ENPP3: variants seen among roughly 807,000 people sequenced by gnomAD.
ENPP3 encodes ectonucleotide pyrophosphatase/phosphodiesterase 3.
In ENPP3, 104 loss-of-function variants were observed where a neutral mutation model predicts 117.8. The ratio of observed to expected loss-of-function variants is 0.88; its 90% CI spans 0.75 to 1.04. ENPP3 has a LOEUF of 1.04. Among genes scored for constraint, ENPP3 ranks in the 50% least tolerant of loss-of-function variants. ENPP3 has a pLI of 0.00. For missense variants in ENPP3, 1,026 were observed against 1,051.9 expected, an observed-to-expected ratio of 0.98 and a Z score of 0.34; for synonymous variants, 380 against 349.9, an observed-to-expected ratio of 1.09 and a Z score of -0.96.
intron 6 of ENPP3, among the ~76,000 whole-genome samples, chr6:131,670,636 G>A (rs760673571): frequency 6.8e-4 from 103 of 152,022 alleles, no homozygotes; most frequent in Non-Finnish European, 1.2e-3. Flanking sequence ...GACTACACAG[G>A]TGCATGCCAC....
At chr6:131,672,232 C>T (rs548699530) in intron 7 of ENPP3, among the ~76,000 whole-genome samples, 2 of 152,300 alleles carry the variant, frequency 1.3e-5, no homozygotes, top group African/African-American at 2.4e-5. Context: ...CTTGTTTTAG[C>T]TGTCATACTA....
chr6:131,645,065 TC>T (rs1261308797), intron 2 of ENPP3, among the ~76,000 whole-genome samples: 4 of 152,268 alleles, frequency 2.6e-5, no homozygotes, highest in Admixed American at 1.3e-4. Flanking sequence ...TTCTCATGCT[TC>T]TACTGTGTGT....
chr6:131,678,962 C>CTTTCT (rs1562446616), intron 11 of ENPP3, among the ~76,000 whole-genome samples: 819 of 40,938 alleles, frequency 0.02, 1 homozygote, highest in African/African-American at 0.027. Flanking sequence ...TCTTTCTTTC[C>CTTTCT]TTCCTTCCTT....
At chr6:131,693,879 G>T (rs1017491557) in intron 15 of ENPP3, among the ~76,000 whole-genome samples, 1 of 152,002 alleles carries the variant, frequency 6.6e-6, no homozygotes, top group Admixed American at 6.6e-5. Context: ...GACTGTAAGT[G>T]CCAGCACCTT....
intron 7 of ENPP3, among the ~76,000 whole-genome samples, chr6:131,673,710 C>G (rs1305761123): frequency 1.3e-5 from 2 of 151,652 alleles, no homozygotes; most frequent in African/African-American, 4.9e-5. Context: ...GACAGACAGA[C>G]AGACAGACAG....
intron 7 of ENPP3, among the ~76,000 whole-genome samples, chr6:131,672,343 C>T (rs1332762745): frequency 1.3e-5 from 2 of 152,098 alleles, no homozygotes; most frequent in Non-Finnish European, 1.5e-5. Context: ...AAATTGTCCC[C>T]TTGCATAGTG....
Position 131,722,411 on chromosome 6 carries a change from T to C in ENPP3, c.1746+6T>C, listed in dbSNP as rs1433495552. 1.2e-6 allele frequency: 2 copies of C among 1,611,436 alleles called. No individual in the cohort carries two copies. The highest frequency in any genetic ancestry group is 2.7e-5 in the African/African-American group (2 of 74,742). The stretch of plus-strand genomic sequence containing the variant: ...TCTGCCCTCACCTACAAAATGTAAG[T>C]AACAACTTCATGCATCCATAAGAAC... On this transcript the variant is annotated splice_donor_region_variant and intron_variant, in intron 18 of 24. Coordinates refer to ENST00000357639, the MANE Select transcript of ENPP3 (RefSeq NM_005021.5).
intron 5 of ENPP3, among the ~76,000 whole-genome samples, chr6:131,658,097 T>C (rs1334396093): frequency 1.3e-5 from 2 of 149,900 alleles, no homozygotes; most frequent in Admixed American, 6.7e-5. Context: ...GAGGTGGCAG[T>C]GAGCTGAGAT....
chr6:131,686,602 A>G (rs967741924), intron 14 of ENPP3, among the ~76,000 whole-genome samples: 7 of 152,178 alleles, frequency 4.6e-5, no homozygotes, highest in Non-Finnish European at 8.8e-5. Context: ...GGTTTGGAAT[A>G]TGGAACCTAT....
At chr6:131,638,273 C>G (rs977164666) in intron 1 of ENPP3, among the ~76,000 whole-genome samples, 1 of 152,168 alleles carries the variant, frequency 6.6e-6, no homozygotes. Flanking sequence ...CTTGCTTCTA[C>G]CATGACATTG....
chr6:131,669,392 G>T (rs926074435), intron 6 of ENPP3, among the ~76,000 whole-genome samples: 4 of 152,036 alleles, frequency 2.6e-5, no homozygotes, highest in Non-Finnish European at 5.9e-5. Context: ...TAAATTTTTA[G>T]CCAGGCACAG....
Position 131,681,509 on chromosome 6 carries a change from GA to G in ENPP3, c.1012-1534del, listed in dbSNP as rs200310715. On this transcript the variant is annotated intron_variant, in intron 11 of 24. Transcript: ENST00000357639. Reference sequence around the variant, plus strand: ...TGCTATTATGCTTTCTTATTCACTGGAAAAAAAAAAACACAGAAAATTTACA... The same window carrying G: ...TGCTATTATGCTTTCTTATTCACTGGAAAAAAAAAACACAGAAAATTTACA... Among the ~76,000 whole-genome samples, 268 of 142,906 alleles carry G rather than the reference GA, an allele frequency of 1.9e-3. 1 individual carries two copies. The Middle Eastern group carries it at 0.021, about 11-fold the overall frequency. The allele number at this position is 142,906 out of a possible 152,430, so 93.8% of individuals were successfully genotyped here. A position where few individuals can be genotyped will look rare whatever the true frequency, so the allele number is the denominator to read the frequency against.
intron 19 of ENPP3, 63 bp downstream of exon 19, chr6:131,724,154 CT>C: frequency 2.8e-6 from 3 of 1,087,398 alleles, no homozygotes; most frequent in Non-Finnish European, 1.4e-6. Context: ...CAATGTGGCC[CT>C]TTTAGGACTC....
At chr6:131,661,169 A>G (rs1778491831) in intron 6 of ENPP3, among the ~76,000 whole-genome samples, 1 of 152,104 alleles carries the variant, frequency 6.6e-6, no homozygotes, top group Non-Finnish European at 1.5e-5. Flanking sequence ...GGCTCTTATG[A>G]GTAGTGCTTC....
chr6:131,741,433 G>C (rs368978174), intron 24 of ENPP3, among the ~76,000 whole-genome samples: 14 of 152,258 alleles, frequency 9.2e-5, no homozygotes, highest in African/African-American at 3.1e-4. Flanking sequence ...GGGATCAATT[G>C]ACAATTAATG....
At chr6:131,684,408 C>G (rs181448630) in intron 12 of ENPP3, among the ~76,000 whole-genome samples, 2 of 152,238 alleles carry the variant, frequency 1.3e-5, no homozygotes, top group Non-Finnish European at 1.5e-5. Context: ...AGCCAGGCAC[C>G]ATGGCTCAGG....
At chr6:131,655,814 G>A (rs1009889768) in intron 5 of ENPP3, among the ~76,000 whole-genome samples, 1 of 152,192 alleles carries the variant, frequency 6.6e-6, no homozygotes, top group African/African-American at 2.4e-5. Flanking sequence ...TGCAAGGCAA[G>A]ACTAGAAAGG....
chr6:131,645,893 G>A (rs7766061), intron 2 of ENPP3, among the ~76,000 whole-genome samples: 41,308 of 151,700 alleles, frequency 0.27, 6,552 homozygotes, highest in African/African-American at 0.43. Context: ...AACTTGGTGG[G>A]CAACTATGGT....
In ENPP3 at chr6:131,738,024, T is replaced by G. The variant is rs1277450753; in HGVS notation, c.2168-7T>G. On this transcript the variant is annotated splice_region_variant and splice_polypyrimidine_tract_variant and intron_variant, in intron 22 of 24. Transcript: ENST00000357639. ...ACATTTTAAACACTTTATGATTTTA[T>G]TTTTAGAAATGTGGGACTACTTCCA... The G allele has an allele frequency of 6.3e-7, 1 of 1,578,170 alleles. No homozygotes were observed. The highest frequency in any genetic ancestry group is 8.6e-7 in the Non-Finnish European group (1 of 1,159,482).
Sources: allele counts gnomAD v4.1 joint callset (sites outside exome capture counted in the v4.1 genomes callset), GRCh38; gene constraint gnomAD v4.1.1; transcripts MANE v1.5; gene names NCBI Gene and HGNC (gene_info 2026-07-23, HGNC 2026-07-21).